The following AAK1 variants were observed in gnomAD, a reference collection of about 807,000 sequenced individuals.
The protein encoded by AAK1 is AP2 associated kinase 1.
AAK1 carries 37 observed loss-of-function variants against 116.0 expected under a neutral mutation model. The ratio of observed to expected loss-of-function variants is 0.32; its 90% CI spans 0.25 to 0.42. The LOEUF (loss-of-function observed/expected upper bound fraction) is 0.42. Ranked by LOEUF, AAK1 falls within the 10% of genes least tolerant of loss-of-function variation. The probability of loss-of-function intolerance (pLI) is 1.00; values close to 1 mark genes in which losing one functional copy is unlikely to be tolerated. For synonymous variants in AAK1, 458 were observed against 439.9 expected (o/e 1.04, Z -0.51); for missense variants, 919 against 1,170.6 (o/e 0.79, Z 3.14).
chr2:69,542,742 G>A (rs896143763), intron 4 of AAK1, 77 bp from the exon 5 acceptor site: 82 of 1,517,712 alleles, frequency 5.4e-5, no homozygotes, highest in African/African-American at 1.8e-4. Context: ...AATGAACGGC[G>A]TCCAAAGAGA....
At chr2:69,489,350 C>G (rs1384298127) in intron 17 of AAK1, among the ~76,000 whole-genome samples, 1 of 151,046 alleles carries the variant, frequency 6.6e-6, no homozygotes, top group African/African-American at 2.4e-5. Flanking sequence ...ACTCGGGGGG[C>G]TGAGGCAGGA....
In AAK1 at chr2:69,467,090, T is replaced by C; in HGVS notation, c.*8779A>G. ...TGATGACTTACATCACAAGCACTAC[T>C]CAAAGAGCATACGAGTGCCCAAAAT... On this transcript the variant is annotated 3_prime_UTR_variant, in exon 22 of 22. Coordinates refer to ENST00000409085, the MANE Select transcript of AAK1 (RefSeq NM_014911.5). 2 of 985,386 alleles carry C rather than the reference T, an allele frequency of 2.0e-6. No individual in the cohort carries two copies. Among genetic ancestry groups the C allele is most frequent in the Non-Finnish European group, 2.4e-6 (2 of 829,908 alleles). The allele number at this position is 985,386 out of a possible 1,614,324, so 61.0% of individuals were successfully genotyped here.
chr2:69,564,954 C>T (rs188053357), intron 2 of AAK1, among the ~76,000 whole-genome samples: 2 of 152,298 alleles, frequency 1.3e-5, no homozygotes, highest in Admixed American at 1.3e-4. Flanking sequence ...CTGCAAAAAC[C>T]ACTTTGTATT....
intron 2 of AAK1, among the ~76,000 whole-genome samples, chr2:69,572,626 A>G (rs973036995): frequency 6.6e-6 from 1 of 151,598 alleles, no homozygotes; most frequent in African/African-American, 2.4e-5. Context: ...TCTTTAAAAA[A>G]AAAAAAAAAA....
At chr2:69,558,231 T>C (rs893783637) in intron 2 of AAK1, among the ~76,000 whole-genome samples, 1 of 151,456 alleles carries the variant, frequency 6.6e-6, no homozygotes, top group Non-Finnish European at 1.5e-5. Flanking sequence ...ATGGCCCAGC[T>C]ACTTGGAAGG....
chr2:69,541,309 C>CA (rs1414811728), intron 5 of AAK1, among the ~76,000 whole-genome samples: 4 of 150,628 alleles, frequency 2.7e-5, no homozygotes, highest in African/African-American at 9.8e-5. Flanking sequence ...CCACTCACTG[C>CA]AACCCCTGCC....
At chr2:69,626,838 G>A (rs1215350617) in intron 2 of AAK1, among the ~76,000 whole-genome samples, 6 of 151,804 alleles carry the variant, frequency 4.0e-5, no homozygotes, top group Non-Finnish European at 8.8e-5. Context: ...ATTTATTTTC[G>A]TCACTTCACA....
chr2:69,569,438 T>C (rs996281122), intron 2 of AAK1, among the ~76,000 whole-genome samples: 5 of 152,168 alleles, frequency 3.3e-5, no homozygotes, highest in Non-Finnish European at 7.3e-5. Flanking sequence ...CCTAAATACT[T>C]CAGCATACAT....
intron 2 of AAK1, among the ~76,000 whole-genome samples, chr2:69,629,897 C>T (rs1312773091): frequency 6.6e-6 from 1 of 152,010 alleles, no homozygotes; most frequent in Admixed American, 6.5e-5. Flanking sequence ...TTAAGATAGC[C>T]AGCAAAAAAA....
At chr2:69,584,448 G>A (rs867710591) in intron 2 of AAK1, among the ~76,000 whole-genome samples, 4 of 152,198 alleles carry the variant, frequency 2.6e-5, no homozygotes, top group African/African-American at 9.7e-5. Context: ...AAGAAAGTCA[G>A]AGTCAGAAGG....
At chr2:69,632,655 T>C (rs1489885280) in intron 2 of AAK1, among the ~76,000 whole-genome samples, 1 of 152,198 alleles carries the variant, frequency 6.6e-6, no homozygotes, top group Non-Finnish European at 1.5e-5. Context: ...TCCCAACACT[T>C]TGGGAGACCA....
intron 2 of AAK1, among the ~76,000 whole-genome samples, chr2:69,576,358 G>A (rs1672314992): frequency 1.3e-5 from 2 of 151,550 alleles, no homozygotes; most frequent in Non-Finnish European, 2.9e-5. Context: ...TTTATTTTAG[G>A]TTTGGGGGTA....
chr2:69,623,779 C>A (rs956038265), intron 2 of AAK1, among the ~76,000 whole-genome samples: 5 of 151,234 alleles, frequency 3.3e-5, no homozygotes, highest in Admixed American at 6.6e-5. Flanking sequence ...TGGCTGCCAA[C>A]AAAAATCATA....
intron 19 of AAK1, among the ~76,000 whole-genome samples, chr2:69,479,656 A>C (rs1387830097): frequency 6.6e-6 from 1 of 152,216 alleles, no homozygotes; most frequent in Non-Finnish European, 1.5e-5. Flanking sequence ...TCTAGAACTC[A>C]ACCAGGTTCC....
At chr2:69,578,214 T>C (rs974273361) in intron 2 of AAK1, among the ~76,000 whole-genome samples, 1 of 152,198 alleles carries the variant, frequency 6.6e-6, no homozygotes. Flanking sequence ...GAAGACGTGA[T>C]GGGAGTGCGG....
chr2:69,518,364 T>C (rs1007717528), intron 12 of AAK1, among the ~76,000 whole-genome samples: 2 of 151,796 alleles, frequency 1.3e-5, no homozygotes, highest in South Asian at 2.1e-4. Flanking sequence ...GGTGTTACAG[T>C]TGTATTAGAA....
intron 2 of AAK1, among the ~76,000 whole-genome samples, chr2:69,587,942 T>C (rs930222600): frequency 6.6e-6 from 1 of 152,046 alleles, no homozygotes; most frequent in Non-Finnish European, 1.5e-5. Context: ...TTTAAATTTT[T>C]TGTAGAGACA....
Position 69,474,295 on chromosome 2 carries a change from T to A in AAK1, c.*1574A>T. 1.0e-6 allele frequency: 1 copy of A among 985,802 alleles called. No individual in the cohort carries two copies. Among genetic ancestry groups the A allele is most frequent in the Non-Finnish European group, 1.2e-6 (1 of 829,932 alleles). The allele number at this position is 985,802 out of a possible 1,614,324, so 61.1% of individuals were successfully genotyped here. A position where few individuals can be genotyped will look rare whatever the true frequency, so the allele number is the denominator to read the frequency against. On this transcript the variant is annotated 3_prime_UTR_variant, in exon 22 of 22. Coordinates refer to ENST00000409085, the MANE Select transcript of AAK1 (RefSeq NM_014911.5). ...TTGTACAGATCTGATTAACTAAGAG[T>A]TTCCCTTTTGATGATGGACAATGGC...
chr2:69,504,725 C>T (rs927403242), intron 16 of AAK1, among the ~76,000 whole-genome samples: 2 of 152,172 alleles, frequency 1.3e-5, no homozygotes, highest in East Asian at 3.9e-4. Flanking sequence ...CAAGATTGAG[C>T]CATTGCACTC....
Sources: gnomAD v4.1 joint callset for allele counts (sites outside exome capture counted in the v4.1 genomes callset) on GRCh38, gnomAD v4.1.1 for gene constraint, MANE v1.5 for transcripts, NCBI Gene and HGNC (gene_info 2026-07-23, HGNC 2026-07-21) for gene names.